JAZF1: variants seen among roughly 807,000 people sequenced by gnomAD.
JAZF1 encodes juxtaposed with another zinc finger protein 1.
Under a neutral mutation model 26.4 loss-of-function variants are expected in JAZF1, and 8 were observed. That is an observed-to-expected ratio of 0.30 (90% CI 0.18 to 0.55). The LOEUF (loss-of-function observed/expected upper bound fraction) is 0.55. JAZF1 is among the 20% of genes least tolerant of loss of function. The pLI is 0.94. For synonymous variants in JAZF1, 126 were observed against 122.3 expected (o/e 1.03, Z -0.20); for missense variants, 199 against 322.0 (o/e 0.62, Z 2.92).
In JAZF1 at chr7:28,180,586, A is replaced by T; in HGVS notation, c.-9T>A. ...GCGGCGATGCCTGTCATGGTGCTAC[A>T]TCGAGAGCCCCCCTGGTGTCGGCTC... On this transcript the variant is annotated 5_prime_UTR_variant, in exon 1 of 5. An upstream start codon of the reference 5' UTR is lost. Transcript: ENST00000283928. 1.3e-6 allele frequency: 2 copies of T among 1,584,800 alleles called. No homozygotes were observed. Among genetic ancestry groups the T allele is most frequent in the Non-Finnish European group, 1.7e-6 (2 of 1,162,954 alleles).
At position 27,921,960 on chromosome 7, in the gene JAZF1, G is replaced by A. The variant is rs112753529; in HGVS notation, c.189-26544C>T. ...AGAAGAAATTAGAAGTCAGTTATAC[G>A]AACTCTATGATTTCCTCAGCCAAGT... On this transcript the variant is annotated intron_variant, in intron 2 of 4. Coordinates refer to ENST00000283928, the MANE Select transcript of JAZF1 (RefSeq NM_175061.4). Among the ~76,000 whole-genome samples the A allele has an allele frequency of 6.5e-3, 991 of 152,314 alleles. 13 individuals carry two copies. The highest frequency in any genetic ancestry group is 0.023 in the African/African-American group (945 of 41,562).
At chr7:28,154,234 C>T (rs893849127) in intron 1 of JAZF1, among the ~76,000 whole-genome samples, 9 of 152,090 alleles carry the variant, frequency 5.9e-5, no homozygotes, top group Non-Finnish European at 8.8e-5. Context: ...CAAGTTGATC[C>T]CATAATCTAA....
chr7:28,027,242 A>C (rs1271982297), intron 1 of JAZF1, among the ~76,000 whole-genome samples: 2 of 152,180 alleles, frequency 1.3e-5, no homozygotes, highest in African/African-American at 2.4e-5. Flanking sequence ...TTCCACGGTG[A>C]AGAAGAAAAT....
At chr7:28,120,709 C>T (rs1007760120) in intron 1 of JAZF1, among the ~76,000 whole-genome samples, 1 of 151,936 alleles carries the variant, frequency 6.6e-6, no homozygotes, top group Admixed American at 6.6e-5. Flanking sequence ...TTTGGAGCTT[C>T]TCCCCAGATG....
chr7:27,870,343 G>C (rs1783558993), intron 3 of JAZF1, among the ~76,000 whole-genome samples: 1 of 151,950 alleles, frequency 6.6e-6, no homozygotes, highest in Admixed American at 6.6e-5. Flanking sequence ...CTCCGGCTCT[G>C]CTACCTGTGT....
At chr7:27,905,952 A>G (rs1187655752) in intron 2 of JAZF1, among the ~76,000 whole-genome samples, 1 of 152,212 alleles carries the variant, frequency 6.6e-6, no homozygotes, top group Non-Finnish European at 1.5e-5. Context: ...CTTGCATCAC[A>G]TATATATAGT....
intron 2 of JAZF1, among the ~76,000 whole-genome samples, chr7:27,955,962 C>T (rs1318675421): frequency 1.3e-5 from 2 of 152,168 alleles, no homozygotes; most frequent in African/African-American, 4.8e-5. Context: ...GGAAGAGCAT[C>T]TCATGGGATG....
At chr7:27,927,995 C>T (rs887632446) in intron 2 of JAZF1, among the ~76,000 whole-genome samples, 3 of 152,120 alleles carry the variant, frequency 2.0e-5, no homozygotes, top group Non-Finnish European at 4.4e-5. Context: ...TATAACTTTA[C>T]GTCAACATGT....
chr7:27,914,788 T>G (rs1784417488), intron 2 of JAZF1: 2 of 471,152 alleles, frequency 4.2e-6, no homozygotes, highest in Non-Finnish European at 8.8e-6. Flanking sequence ...CAGCCTTGAC[T>G]CCATCTGATG....
chr7:27,969,898 T>C (rs1209218848), intron 2 of JAZF1, among the ~76,000 whole-genome samples: 1 of 152,206 alleles, frequency 6.6e-6, no homozygotes, highest in Non-Finnish European at 1.5e-5. Context: ...CCTTTGTATC[T>C]GAGCAATCCA....
intron 2 of JAZF1, among the ~76,000 whole-genome samples, chr7:27,924,011 T>C (rs1784573079): frequency 6.6e-6 from 1 of 152,202 alleles, no homozygotes; most frequent in African/African-American, 2.4e-5. Context: ...CTTTACTGTA[T>C]TCTTGTGGGA....
intron 1 of JAZF1, among the ~76,000 whole-genome samples, chr7:28,121,675 C>A (rs1782607661): frequency 6.6e-6 from 1 of 152,110 alleles, no homozygotes; most frequent in Non-Finnish European, 1.5e-5. Context: ...ATACACGTGA[C>A]CAATGTAGAT....
intron 1 of JAZF1, among the ~76,000 whole-genome samples, chr7:28,110,603 GAAAAGGAAAGGA>G (rs1335715005): frequency 8.6e-6 from 1 of 116,032 alleles, no homozygotes; most frequent in East Asian, 5.4e-4. Flanking sequence ...AAAGGAAAAG[GAAAAGGAAAGGA>G]AAAGGAAAGG....
intron 1 of JAZF1, among the ~76,000 whole-genome samples, chr7:28,007,452 C>T (rs138516785): frequency 0.045 from 6,843 of 152,128 alleles, 245 homozygotes; most frequent in African/African-American, 0.092. Context: ...GCCTGTAATC[C>T]CAGCTACTGG....
chr7:27,948,723 C>T (rs1784958382), intron 2 of JAZF1, among the ~76,000 whole-genome samples: 1 of 152,096 alleles, frequency 6.6e-6, no homozygotes, highest in Admixed American at 6.5e-5. Flanking sequence ...TGATAACCTA[C>T]AAGGGTTTGC....
At chr7:27,909,607 T>C (rs1190014367) in intron 2 of JAZF1, among the ~76,000 whole-genome samples, 1 of 152,116 alleles carries the variant, frequency 6.6e-6, no homozygotes, top group African/African-American at 2.4e-5. Flanking sequence ...CTAGGGAGGC[T>C]GAGGCAGGTG....
intron 1 of JAZF1, among the ~76,000 whole-genome samples, chr7:28,077,640 C>A (rs75703548): frequency 6.6e-6 from 1 of 151,680 alleles, no homozygotes; most frequent in Non-Finnish European, 1.5e-5. Flanking sequence ...AGCAAAGTGA[C>A]CACTTGTCTG....
chr7:27,940,719 C>A (rs905290183), intron 2 of JAZF1, among the ~76,000 whole-genome samples: 3 of 152,158 alleles, frequency 2.0e-5, no homozygotes, highest in African/African-American at 7.2e-5. Flanking sequence ...AGCGCAGCAG[C>A]CCTTAAAATT....
At chr7:27,961,069 C>T (rs914731855) in intron 2 of JAZF1, among the ~76,000 whole-genome samples, 2 of 152,184 alleles carry the variant, frequency 1.3e-5, no homozygotes, top group Non-Finnish European at 2.9e-5. Context: ...TATGAGAAAC[C>T]AGGACAATAA....
Sources: gnomAD v4.1 joint callset for allele counts (sites outside exome capture counted in the v4.1 genomes callset) on GRCh38, gnomAD v4.1.1 for gene constraint, MANE v1.5 for transcripts, NCBI Gene and HGNC (gene_info 2026-07-23, HGNC 2026-07-21) for gene names.